ZNF727: variants seen among roughly 807,000 people sequenced by gnomAD.
ZNF727 encodes the protein putative zinc finger protein 727.
ZNF727 carries 11 observed loss-of-function variants against 11.5 expected under a neutral mutation model. That is an observed-to-expected ratio of 0.95 (90% confidence interval 0.60 to 1.58). The LOEUF (loss-of-function observed/expected upper bound fraction) is 1.58. ZNF727 is among the 40% of genes most tolerant of loss of function. ZNF727 has a pLI of 0.00. For missense variants in ZNF727, 533 were observed against 581.7 expected (o/e 0.92, Z 0.86); for synonymous variants, 171 against 196.1 (o/e 0.87, Z 1.07).
intron 1 of ZNF727, among the ~76,000 whole-genome samples, chr7:64,065,683 G>T (rs1789852808): frequency 6.6e-6 from 1 of 152,188 alleles, no homozygotes; most frequent in Non-Finnish European, 1.5e-5. Flanking sequence ...TATCACGTGT[G>T]TAGAACTTGC....
rs545409660 is a variant in ZNF727 at position 64,068,605 on chromosome 7, A to G, written c.4-286A>G. On this transcript the variant is annotated intron_variant, in intron 1 of 3. Coordinates refer to ENST00000456806, the MANE Select transcript of ZNF727 (RefSeq NM_001159522.3). ...GGGAAGTATAGACAGCTCATCTTGTATTATGTAAATATAGCATTAAGTAAT... is the reference window on the plus strand; with the variant it reads ...GGGAAGTATAGACAGCTCATCTTGTGTTATGTAAATATAGCATTAAGTAAT... 3.7e-4 allele frequency among the ~76,000 whole-genome samples: 57 copies of G among 152,282 alleles called. 1 individual carries two copies. In the South Asian group the frequency reaches 0.011, roughly 29 times the overall value.
rs1789487531 is a variant in ZNF727, at chr7:64,045,543, C to T, written c.-79C>T. 11 of 1,541,508 alleles carry T rather than the reference C, an allele frequency of 7.1e-6. No individual in the cohort carries two copies. The South Asian group carries it at 1.1e-4, about 15-fold the overall frequency. ...CTCCATTAGCTCCTCGGTGACTCCA[C>T]CATAGCCCCTGTTATCCTGTGACCT... On this transcript the variant is annotated 5_prime_UTR_variant, in exon 1 of 4. Coordinates refer to ENST00000456806, the MANE Select transcript of ZNF727 (RefSeq NM_001159522.3).
intron 1 of ZNF727, among the ~76,000 whole-genome samples, chr7:64,052,698 G>A (rs183419764): frequency 6.6e-5 from 10 of 152,328 alleles, no homozygotes; most frequent in Admixed American, 3.9e-4. Flanking sequence ...GACACTGGAT[G>A]CCAGCCTATG....
chr7:64,048,474 C>CA (rs1453496738), intron 1 of ZNF727, among the ~76,000 whole-genome samples: 10 of 152,298 alleles, frequency 6.6e-5, no homozygotes, highest in African/African-American at 1.9e-4. Context: ...ACGTAAATTA[C>CA]AAACATTCAT....
intron 1 of ZNF727, among the ~76,000 whole-genome samples, chr7:64,059,374 G>A (rs931604436): frequency 1.2e-4 from 19 of 152,170 alleles, no homozygotes; most frequent in African/African-American, 4.3e-4. Context: ...TCTTTAACCA[G>A]CCTTGTATAG....
At chr7:64,072,626 C>G (rs1789979937) in intron 3 of ZNF727, among the ~76,000 whole-genome samples, 1 of 152,076 alleles carries the variant, frequency 6.6e-6, no homozygotes, top group Non-Finnish European at 1.5e-5. Context: ...AGGCATCTTT[C>G]TTTGGGTCTC....
In ZNF727 at chr7:64,077,907, T is replaced by C. The variant is rs182358662; in HGVS notation, c.858T>C (p.Cys286=). The change falls in exon 4 of 4, where the codon TGT becomes TGC. Residue 286 remains cysteine, a synonymous_variant. Coordinates refer to ENST00000456806, the MANE Select transcript of ZNF727 (RefSeq NM_001159522.3). ...ATACTGGAGAGAAACCCTACAAATG[T>C]AAAGAATGTCACAAAGCCTTTAGGT... The part of the protein sequence containing the change: ...RIHTGEKPYK[C]KECHKAFRCC... The C allele has an allele frequency of 1.9e-6, 3 of 1,585,024 alleles. 1 individual carries two copies. The highest frequency in any genetic ancestry group is 1.4e-5 in the African/African-American group (1 of 73,806).
chr7:64,061,612 G>A (rs371181519), intron 1 of ZNF727, among the ~76,000 whole-genome samples: 28 of 151,360 alleles, frequency 1.8e-4, no homozygotes, highest in Admixed American at 9.2e-4. Flanking sequence ...GTTGGGTCTC[G>A]TTTTTATTTT....
intron 3 of ZNF727, among the ~76,000 whole-genome samples, chr7:64,071,897 C>G (rs1789967641): frequency 2.0e-5 from 3 of 152,034 alleles, no homozygotes. Context: ...GTTGATCTTA[C>G]ATGATTTGTT....
chr7:64,056,449 C>G (rs1789687929), intron 1 of ZNF727, among the ~76,000 whole-genome samples: 2 of 152,068 alleles, frequency 1.3e-5, no homozygotes, highest in Admixed American at 1.3e-4. Context: ...TAAAAATGGC[C>G]TGAAACTTAT....
At chr7:64,075,866 C>T (rs1376297025) in intron 3 of ZNF727, among the ~76,000 whole-genome samples, 1 of 152,056 alleles carries the variant, frequency 6.6e-6, no homozygotes, top group Non-Finnish European at 1.5e-5. Context: ...GCCATGTAGC[C>T]TCTGAACATG....
Position 64,077,979 on chromosome 7 carries a change from A to C in ZNF727, c.930A>C (p.Lys310Asn), listed in dbSNP as rs558613473. ...ATAAGAGAATTCATACTGGAGAGAA[A>C]CCCTACAAATGTAATGAATGTGGAA... ...TKHKRIHTGE[K>N]PYKCNECGKA... The change falls in exon 4 of 4, where the codon AAA becomes AAC. Residue 310 changes from lysine (K) to asparagine (N), a missense_variant. Physicochemically the swap from Lys to Asn is moderately conservative, Grantham distance 94 (BLOSUM62 0). Coordinates refer to ENST00000456806, the MANE Select transcript of ZNF727 (RefSeq NM_001159522.3). 1.7e-4 allele frequency: 271 copies of C among 1,597,512 alleles called. No individual in the cohort carries two copies. The highest frequency in any genetic ancestry group is 8.3e-4 in the Middle Eastern group (5 of 6,038).
intron 1 of ZNF727, among the ~76,000 whole-genome samples, chr7:64,047,549 T>C (rs1386591861): frequency 6.6e-6 from 1 of 152,158 alleles, no homozygotes; most frequent in African/African-American, 2.4e-5. Flanking sequence ...ATTACAGCTT[T>C]CTGGGGATGA....
chr7:64,075,165 A>G (rs2008969), intron 3 of ZNF727, among the ~76,000 whole-genome samples: 98,648 of 151,904 alleles, frequency 0.65, 32,449 homozygotes, highest in Admixed American at 0.72. Context: ...TTGTCTATAT[A>G]ATTGTATAAA....
At chr7:64,050,912 G>T (rs899031537) in intron 1 of ZNF727, among the ~76,000 whole-genome samples, 3 of 151,884 alleles carry the variant, frequency 2.0e-5, no homozygotes, top group Non-Finnish European at 4.4e-5. Context: ...CACGTAAATA[G>T]AAAACATTTC....
chr7:64,075,890 A>G (rs1584156276), intron 3 of ZNF727, among the ~76,000 whole-genome samples: 1 of 152,210 alleles, frequency 6.6e-6, no homozygotes, highest in South Asian at 2.1e-4. Flanking sequence ...GAAAAGTTCA[A>G]ATTGAACAAA....
rs1785712425 is a variant in ZNF727 at position 64,077,981 on chromosome 7, C to T, written c.932C>T (p.Pro311Leu). ...AAGAGAATTCATACTGGAGAGAAAC[C>T]CTACAAATGTAATGAATGTGGAAAA... ...KHKRIHTGEK[P>L]YKCNECGKAF... The change falls in exon 4 of 4, where the codon CCC becomes CTC. Residue 311 changes from proline (P) to leucine (L), a missense_variant. Physicochemically the swap from Pro to Leu is moderately conservative, Grantham distance 98 (BLOSUM62 -3). Coordinates refer to ENST00000456806, the MANE Select transcript of ZNF727 (RefSeq NM_001159522.3). 1.3e-6 allele frequency: 2 copies of T among 1,598,836 alleles called. No homozygotes were observed. Among genetic ancestry groups the T allele is most frequent in the Non-Finnish European group, 1.7e-6 (2 of 1,172,314 alleles).
At chr7:64,048,818 T>C (rs1219619905) in intron 1 of ZNF727, among the ~76,000 whole-genome samples, 3 of 152,206 alleles carry the variant, frequency 2.0e-5, no homozygotes, top group Non-Finnish European at 4.4e-5. Flanking sequence ...AAGCATTTTT[T>C]CCAATAAAAT....
Position 64,069,018 on chromosome 7 carries a change from G to A in ZNF727, c.130+1G>A, listed in dbSNP as rs1423639718. The A allele has an allele frequency of 4.4e-6, 7 of 1,593,140 alleles. No individual in the cohort carries two copies. The highest frequency in any genetic ancestry group is 6.0e-6 in the Non-Finnish European group (7 of 1,171,092). ...AACTACGGAAACCTGTTCTCCTTGG[G>A]TGAGAATAACTTCAATATACAACTC... On this transcript the variant is annotated splice_donor_variant, in intron 2 of 3. Coordinates refer to ENST00000456806, the MANE Select transcript of ZNF727 (RefSeq NM_001159522.3). LOFTEE classifies it high-confidence loss of function.
Sources: allele counts gnomAD v4.1 joint callset (sites outside exome capture counted in the v4.1 genomes callset), GRCh38; gene constraint gnomAD v4.1.1; transcripts MANE v1.5; gene names NCBI Gene and HGNC (gene_info 2026-07-23, HGNC 2026-07-21).